Variants in IPCEF1 observed in about 807,000 individuals in gnomAD.
IPCEF1 encodes interactor protein for cytohesin exchange factors 1.
IPCEF1 carries 31 observed loss-of-function variants against 50.9 expected under a neutral mutation model. The ratio of observed to expected loss-of-function variants is 0.61; its 90% confidence interval spans 0.46 to 0.82. The LOEUF (loss-of-function observed/expected upper bound fraction) is 0.82, where lower values mean the gene tolerates loss of function less well. Ranked by LOEUF, IPCEF1 falls within the 40% of genes least tolerant of loss-of-function variation. The pLI, the probability that IPCEF1 is intolerant of heterozygous loss-of-function variation, is 0.00. For synonymous variants in IPCEF1, 181 were observed against 192.0 expected (o/e 0.94, Z 0.47); for missense variants, 458 against 514.0 (o/e 0.89, Z 1.05).
intron 10 of IPCEF1, among the ~76,000 whole-genome samples, chr6:154,193,198 C>T (rs1048753788): frequency 6.6e-5 from 10 of 152,082 alleles, no homozygotes; most frequent in Non-Finnish European, 8.8e-5. Context: ...TAAAAAGGAA[C>T]GAAATAATGG....
chr6:154,319,022 C>T (rs1783303413), intron 1 of IPCEF1, among the ~76,000 whole-genome samples: 1 of 152,182 alleles, frequency 6.6e-6, no homozygotes, highest in Non-Finnish European at 1.5e-5. Context: ...GTAATTTTTT[C>T]TATGCAGCAG....
chr6:154,345,803 TATA>T lies in IPCEF1; in HGVS notation c.-62+10866_-62+10868del, dbSNP rs199777428. Among the ~76,000 whole-genome samples the T allele has an allele frequency of 9.8e-3, 1,491 of 152,252 alleles. 21 individuals carry two copies. The highest frequency in any genetic ancestry group is 0.034 in the African/African-American group (1,408 of 41,550). On this transcript the variant is annotated intron_variant, in intron 1 of 11. Transcript: ENST00000367220. ...ATGGTAAATTATTATATCTAAAATA[TATA>T]ATGTGTTAGGAATATGGTTTTAATA... is the stretch of plus-strand genomic sequence containing the variant.
chr6:154,314,211 A>G (rs1783157008), intron 1 of IPCEF1, among the ~76,000 whole-genome samples: 1 of 152,238 alleles, frequency 6.6e-6, no homozygotes, highest in Admixed American at 6.5e-5. Flanking sequence ...CACAAAAAAC[A>G]AGTCTTTGGA....
intron 1 of IPCEF1, among the ~76,000 whole-genome samples, chr6:154,340,183 C>G (rs993276716): frequency 1.3e-5 from 2 of 152,074 alleles, no homozygotes; most frequent in Non-Finnish European, 2.9e-5. Context: ...CTTAGGAAGT[C>G]TTGACGACAT....
chr6:154,284,613 G>A (rs1002636839), intron 2 of IPCEF1, among the ~76,000 whole-genome samples: 3 of 152,162 alleles, frequency 2.0e-5, no homozygotes, highest in African/African-American at 7.2e-5. Context: ...GCAGGATGGT[G>A]GAGCTTTCAT....
chr6:154,273,734 T>C (rs1351365971), intron 2 of IPCEF1, among the ~76,000 whole-genome samples: 60 of 28,566 alleles, frequency 2.1e-3, no homozygotes, highest in African/African-American at 5.3e-3. Flanking sequence ...CTTTTTTTTT[T>C]TTTTTTTTTT....
rs183269199 is a variant in IPCEF1, at chr6:154,277,382, A to G, written c.-17-11418T>C. On this transcript the variant is annotated intron_variant, in intron 2 of 11. Transcript: ENST00000367220. ...TGAGATATTTGTTGACACAATCCACATAAGCGAATGCCGTCAAGAATAGAT... is the reference window on the plus strand; with the variant it reads ...TGAGATATTTGTTGACACAATCCACGTAAGCGAATGCCGTCAAGAATAGAT... 6.6e-5 allele frequency among the ~76,000 whole-genome samples: 10 copies of G among 152,372 alleles called. No individual in the cohort carries two copies. The East Asian group carries it at 7.7e-4, about 12-fold the overall frequency.
At chr6:154,235,617 C>A (rs554860567) in intron 5 of IPCEF1, among the ~76,000 whole-genome samples, 12 of 151,788 alleles carry the variant, frequency 7.9e-5, no homozygotes, top group African/African-American at 2.7e-4. Context: ...TGCCTTCCTG[C>A]AATGTGAAGT....
rs754884121 is a variant in IPCEF1, at chr6:154,199,694, G to A, written c.884C>T (p.Pro295Leu). 1.2e-6 allele frequency: 2 copies of A among 1,611,756 alleles called. No individual in the cohort carries two copies. Among genetic ancestry groups the A allele is most frequent in the African/African-American group, 2.7e-5 (2 of 74,900 alleles). The change falls in exon 10 of 12, where the codon CCT becomes CTT. Residue 295 changes from proline to leucine, a missense_variant. By Grantham distance (98) the Pro-to-Leu change is moderately conservative. Transcript: ENST00000367220. ...TTTGTCCATGATCTTTGATCCAGCA[G>A]GCTTATCTGGGACAGTAAGATGGTC... Reference protein sequence around the residue: ...NHDHLTVPDKPAGSKIMDKEE... With the variant: ...NHDHLTVPDKLAGSKIMDKEE...
chr6:154,236,930 T>C (rs1428045744), intron 5 of IPCEF1, among the ~76,000 whole-genome samples: 1 of 152,210 alleles, frequency 6.6e-6, no homozygotes, highest in Non-Finnish European at 1.5e-5. Context: ...TTTAAAGACA[T>C]CGTTTCAAAC....
Position 154,351,970 on chromosome 6 carries a change from T to TGAGGC in IPCEF1, c.-62+4697_-62+4701dup, listed in dbSNP as rs553118358. Among the ~76,000 whole-genome samples the TGAGGC allele has an allele frequency of 5.2e-3, 795 of 152,198 alleles. 1 individual carries two copies. Among genetic ancestry groups the TGAGGC allele is most frequent in the Middle Eastern group, 0.017 (5 of 294 alleles). On this transcript the variant is annotated intron_variant, in intron 1 of 11. Transcript: ENST00000367220. The stretch of plus-strand genomic sequence containing the variant: ...ACATAGGGAGCGGAAAAACACACAC[T>TGAGGC]GAGGCCTGTGAGGGCCGGGGGAGAG...
Position 154,157,397 on chromosome 6 carries a change from GT to G in IPCEF1, c.*2430del, listed in dbSNP as rs1473906446. The G allele has an allele frequency of 1.3e-5, 2 of 152,254 alleles. No individual in the cohort carries two copies. The highest frequency in any genetic ancestry group is 4.8e-5 in the African/African-American group (2 of 41,462). 9.4% of individuals were successfully genotyped at this position (152,254 alleles called of 1,614,324 possible). On this transcript the variant is annotated 3_prime_UTR_variant, in exon 12 of 12. Coordinates refer to ENST00000367220, the MANE Select transcript of IPCEF1 (RefSeq NM_001130700.2). ...GCCAGGTGCAAAATTGTGAAGTTCA[GT>G]TTCCCTTTCACTTTGGGAAGCTCTG... is the stretch of plus-strand genomic sequence containing the variant.
At chr6:154,279,132 A>G (rs1442736428) in intron 2 of IPCEF1, among the ~76,000 whole-genome samples, 8 of 151,778 alleles carry the variant, frequency 5.3e-5, no homozygotes, top group South Asian at 2.1e-4. Context: ...CAAAATAAAA[A>G]AAAAAAAAAG....
At chr6:154,344,496 C>T (rs929478927) in intron 1 of IPCEF1, among the ~76,000 whole-genome samples, 6 of 152,174 alleles carry the variant, frequency 3.9e-5, no homozygotes, top group Non-Finnish European at 8.8e-5. Context: ...ATGAGGCTCC[C>T]CGTTTCACAA....
At chr6:154,229,356 T>TG (rs903784102) in intron 5 of IPCEF1, among the ~76,000 whole-genome samples, 6 of 147,990 alleles carry the variant, frequency 4.1e-5, no homozygotes, top group African/African-American at 1.5e-4. Flanking sequence ...GTTTTTTTTT[T>TG]TTTTTTTTTT....
intron 11 of IPCEF1, among the ~76,000 whole-genome samples, chr6:154,167,542 C>T (rs1474940692): frequency 2.6e-5 from 4 of 152,138 alleles, no homozygotes; most frequent in South Asian, 4.1e-4. Flanking sequence ...CTTATTTATA[C>T]GACTGTTTAT....
At chr6:154,304,671 GACAGTCAGTT>G (rs1396200483) in intron 1 of IPCEF1, among the ~76,000 whole-genome samples, 2 of 152,168 alleles carry the variant, frequency 1.3e-5, no homozygotes, top group Admixed American at 1.3e-4. Context: ...CAAATCCATA[GACAGTCAGTT>G]ACCTATTGAA....
intron 3 of IPCEF1, among the ~76,000 whole-genome samples, chr6:154,259,596 G>GTGGTA (rs1478976262): frequency 2.0e-5 from 3 of 152,122 alleles, no homozygotes; most frequent in African/African-American, 7.2e-5. Flanking sequence ...AGGTTGTGGT[G>GTGGTA]AACCGAGATC....
At chr6:154,326,033 C>T (rs958116237) in intron 1 of IPCEF1, among the ~76,000 whole-genome samples, 5 of 152,000 alleles carry the variant, frequency 3.3e-5, no homozygotes, top group Admixed American at 1.3e-4. Context: ...CAAGACCAGC[C>T]TGGACAACAT....
Sources: allele counts gnomAD v4.1 joint callset (sites outside exome capture counted in the v4.1 genomes callset), GRCh38; gene constraint gnomAD v4.1.1; transcripts MANE v1.5; gene names NCBI Gene and HGNC (gene_info 2026-07-23, HGNC 2026-07-21).